The following SLC35F1 variants were observed in gnomAD, a reference collection of about 807,000 sequenced individuals.
SLC35F1 encodes the protein chromosome 6 open reading frame 169.
Under a neutral mutation model 48.7 loss-of-function variants are expected in SLC35F1, and 14 were observed. The observed-to-expected ratio is 0.29, with a 90% CI of 0.19 to 0.45. SLC35F1 has a LOEUF of 0.45. Ranked by LOEUF, SLC35F1 falls within the 20% of genes least tolerant of loss-of-function variation. The pLI, the probability that SLC35F1 is intolerant of heterozygous loss-of-function variation, is 1.00. For missense variants in SLC35F1, 404 were observed against 500.0 expected, an observed-to-expected ratio of 0.81 and a Z score of 1.83; for synonymous variants, 190 against 202.2, an observed-to-expected ratio of 0.94 and a Z score of 0.51.
At chr6:118,103,354 G>C (rs1773285980) in intron 1 of SLC35F1, among the ~76,000 whole-genome samples, 1 of 152,170 alleles carries the variant, frequency 6.6e-6, no homozygotes, top group Non-Finnish European at 1.5e-5. Context: ...GTGCCATGTT[G>C]ATGTGCTGCA....
At chr6:118,247,354 C>T (rs943398661) in intron 3 of SLC35F1, among the ~76,000 whole-genome samples, 1 of 152,116 alleles carries the variant, frequency 6.6e-6, no homozygotes, top group Non-Finnish European at 1.5e-5. Flanking sequence ...AATGACGCTG[C>T]TGCTAGATAG....
intron 1 of SLC35F1, among the ~76,000 whole-genome samples, chr6:117,925,598 C>T (rs375845207): frequency 6.6e-6 from 1 of 152,154 alleles, no homozygotes; most frequent in Non-Finnish European, 1.5e-5. Flanking sequence ...CTGAAAGCAT[C>T]TCTAACTAAT....
chr6:118,276,350 C>T (rs529276450), intron 5 of SLC35F1, among the ~76,000 whole-genome samples: 190 of 152,234 alleles, frequency 1.2e-3, no homozygotes, highest in Admixed American at 3.1e-3. Context: ...TTACTGAATC[C>T]CTTTCTACAA....
intron 2 of SLC35F1, among the ~76,000 whole-genome samples, chr6:118,229,958 A>G (rs2114575561): frequency 6.6e-6 from 1 of 152,322 alleles, no homozygotes; most frequent in African/African-American, 2.4e-5. Flanking sequence ...GACTTTCATT[A>G]TGTTTTACAC....
chr6:117,908,036 A>T (rs1326001079), intron 1 of SLC35F1, 137 bp downstream of exon 1: 11 of 875,656 alleles, frequency 1.3e-5, no homozygotes, highest in Non-Finnish European at 1.5e-5. Flanking sequence ...AGATCGGGCG[A>T]CGACGCGCTC....
chr6:118,292,673 T>C (rs565534342), intron 7 of SLC35F1, among the ~76,000 whole-genome samples: 51 of 135,224 alleles, frequency 3.8e-4, no homozygotes, highest in Non-Finnish European at 6.0e-4. Flanking sequence ...CTGCCTAACA[T>C]TGATTATTTG....
chr6:117,989,314 T>C (rs1417014614), intron 1 of SLC35F1, among the ~76,000 whole-genome samples: 1 of 152,236 alleles, frequency 6.6e-6, no homozygotes, highest in Non-Finnish European at 1.5e-5. Context: ...AAACCATCTC[T>C]GTACTGTCAA....
intron 1 of SLC35F1, among the ~76,000 whole-genome samples, chr6:118,119,494 G>GCCCCCCCCCCCCCCCC (rs369126799): frequency 1.9e-5 from 1 of 52,192 alleles, no homozygotes; most frequent in Non-Finnish European, 4.1e-5. Context: ...AATAACCGGC[G>GCCCCCCCCCCCCCCCC]CCCCCCCTCC....
chr6:117,950,284 C>T (rs1776347059), intron 1 of SLC35F1, among the ~76,000 whole-genome samples: 1 of 152,150 alleles, frequency 6.6e-6, no homozygotes, highest in Admixed American at 6.5e-5. Flanking sequence ...ATTGTAGACT[C>T]TACTGACTTC....
chr6:118,309,198 TGTGTGC>T (rs1365297353), intron 7 of SLC35F1, among the ~76,000 whole-genome samples: 1 of 144,706 alleles, frequency 6.9e-6, no homozygotes, highest in African/African-American at 2.6e-5. Flanking sequence ...TGTGTGTGTG[TGTGTGC>T]GTGTGTGTAT....
At chr6:118,071,084 T>C (rs1448035143) in intron 1 of SLC35F1, among the ~76,000 whole-genome samples, 7 of 5,410 alleles carry the variant, frequency 1.3e-3, no homozygotes, top group East Asian at 5.5e-3. Context: ...TATGTGTATA[T>C]ATACACATAG....
intron 1 of SLC35F1, among the ~76,000 whole-genome samples, chr6:118,075,280 TATTA>T (rs1425365391): frequency 6.6e-6 from 1 of 152,246 alleles, no homozygotes; most frequent in Non-Finnish European, 1.5e-5. Context: ...CAGTAATTTT[TATTA>T]ATTGTCACTG....
intron 1 of SLC35F1, among the ~76,000 whole-genome samples, chr6:117,954,576 G>C (rs906385137): frequency 1.3e-5 from 2 of 152,132 alleles, no homozygotes; most frequent in Non-Finnish European, 2.9e-5. Context: ...TCTTTTTAAA[G>C]AGTCACTGAG....
chr6:118,186,037 A>C (rs1035867105), intron 2 of SLC35F1, among the ~76,000 whole-genome samples: 2 of 152,152 alleles, frequency 1.3e-5, no homozygotes, highest in African/African-American at 4.8e-5. Context: ...ACTTACCTGC[A>C]ATATACAAGG....
In SLC35F1 at chr6:117,922,499, A is replaced by G. The variant is rs567662186; in HGVS notation, c.173+14600A>G. Among the ~76,000 whole-genome samples, 8 of 152,352 alleles carry G rather than the reference A, an allele frequency of 5.3e-5. No individual in the cohort carries two copies. The South Asian group carries it at 1.4e-3, about 28-fold the overall frequency. On this transcript the variant is annotated intron_variant, in intron 1 of 7. Transcript: ENST00000360388. Reference sequence around the variant, plus strand: ...AGGTTAGGTCCCTGCTCTCAAGTATACATATATTTTTATTTGTATGTATTC... The same window carrying G: ...AGGTTAGGTCCCTGCTCTCAAGTATGCATATATTTTTATTTGTATGTATTC...
At chr6:118,123,369 AGGTAATACATTT>A (rs1318716802) in intron 1 of SLC35F1, among the ~76,000 whole-genome samples, 1 of 152,138 alleles carries the variant, frequency 6.6e-6, no homozygotes, top group African/African-American at 2.4e-5. Context: ...TGATCATCCA[AGGTAATACATTT>A]GGTAGATGTT....
intron 3 of SLC35F1, among the ~76,000 whole-genome samples, chr6:118,256,979 GCCTAATA>G (rs1260863896): frequency 1.3e-5 from 2 of 152,038 alleles, no homozygotes; most frequent in African/African-American, 4.8e-5. Context: ...AAATTTTTAT[GCCTAATA>G]CTATGATATG....
chr6:118,182,325 ATT>A (rs555774982), intron 2 of SLC35F1, among the ~76,000 whole-genome samples: 2 of 145,996 alleles, frequency 1.4e-5, no homozygotes, highest in Non-Finnish European at 1.5e-5. Context: ...AAAAAGAAAA[ATT>A]TTTTTTTTTT....
intron 1 of SLC35F1, among the ~76,000 whole-genome samples, chr6:117,929,637 T>C (rs1225168422): frequency 6.6e-6 from 1 of 152,078 alleles, no homozygotes; most frequent in Non-Finnish European, 1.5e-5. Context: ...TGAGGCTGAA[T>C]TTCTTCTTCT....
Sources: gnomAD v4.1 joint callset for allele counts (sites outside exome capture counted in the v4.1 genomes callset) on GRCh38, gnomAD v4.1.1 for gene constraint, MANE v1.5 for transcripts, NCBI Gene and HGNC (gene_info 2026-07-23, HGNC 2026-07-21) for gene names.